The following ZNF407 variants were observed in gnomAD, a reference collection of about 807,000 sequenced individuals.
ZNF407 encodes zinc finger protein 407.
A neutral mutation model predicts 131.2 loss-of-function variants in ZNF407; 17 were observed. The observed-to-expected ratio is 0.13, with a 90% CI of 0.09 to 0.19. The LOEUF is 0.19. ZNF407 is among the 10% of genes least tolerant of loss of function. The pLI, the probability that ZNF407 is intolerant of heterozygous loss-of-function variation, is 1.00. For synonymous variants in ZNF407, 1,156 were observed against 1,062.0 expected, an observed-to-expected ratio of 1.09 and a Z score of -1.72; for missense variants, 2,681 against 2,830.6, an observed-to-expected ratio of 0.95 and a Z score of 1.20.
At chr18:74,734,107 G>GT (rs1476182979) in intron 3 of ZNF407, among the ~76,000 whole-genome samples, 1 of 152,112 alleles carries the variant, frequency 6.6e-6, no homozygotes, top group African/African-American at 2.4e-5. Context: ...TTGGCTCTGT[G>GT]TCAGTGTTGA....
rs542636992 is a variant in ZNF407 at position 74,915,006 on chromosome 18, C to A, written c.5250-5508C>A. Among the ~76,000 whole-genome samples, 11 of 152,086 alleles carry A rather than the reference C, an allele frequency of 7.2e-5. No individual in the cohort carries two copies. In the South Asian group the frequency reaches 2.1e-3, roughly 29 times the overall value. ...CTTCTTGTTAAAGTATACATGTAAC[C>A]CTTTGCATTTTTCTGAGAAATTGGA... On this transcript the variant is annotated intron_variant, in intron 7 of 8. Transcript: ENST00000299687.
intron 7 of ZNF407, among the ~76,000 whole-genome samples, chr18:74,909,898 T>A (rs1971646347): frequency 6.6e-6 from 1 of 152,202 alleles, no homozygotes; most frequent in Admixed American, 6.5e-5. Flanking sequence ...ATGGCAGAGT[T>A]TTTCCTTTCT....
intron 1 of ZNF407, among the ~76,000 whole-genome samples, chr18:74,628,930 G>A (rs183162059): frequency 2.6e-5 from 4 of 152,124 alleles, no homozygotes; most frequent in East Asian, 3.9e-4. Context: ...TGTGGATACC[G>A]CATTTTCTTG....
At chr18:74,695,280 T>C (rs1378959633) in intron 3 of ZNF407, among the ~76,000 whole-genome samples, 1 of 152,222 alleles carries the variant, frequency 6.6e-6, no homozygotes, top group East Asian at 1.9e-4. Context: ...ATAACATCTA[T>C]GCCTTTGGAC....
chr18:74,677,621 A>G (rs1986446573), intron 3 of ZNF407, among the ~76,000 whole-genome samples: 2 of 152,184 alleles, frequency 1.3e-5, no homozygotes, highest in Admixed American at 6.5e-5. Flanking sequence ...GCAGAGACCT[A>G]AAATACTTTA....
Position 74,634,018 on chromosome 18 carries a change from C to A in ZNF407, c.2999C>A (p.Ala1000Asp). Residue 1000 changes from alanine to aspartate, a missense_variant, in exon 2 of 9, where the codon GCC (alanine) becomes GAC (aspartate). By Grantham distance (126) the Ala-to-Asp change is moderately radical (BLOSUM62 -2). Coordinates refer to ENST00000299687, the MANE Select transcript of ZNF407 (RefSeq NM_017757.3). ...EQISSEPEDF[A>D]QPGDVYSQRD... ...ATATCTTCAGAGCCAGAGGACTTCG[C>A]CCAGCCGGGGGATGTGTACTCCCAG... is the stretch of plus-strand genomic sequence containing the variant. The A allele has an allele frequency of 6.2e-7, 1 of 1,614,012 alleles. No homozygotes were observed. The highest frequency in any genetic ancestry group is 8.5e-7 in the Non-Finnish European group (1 of 1,179,888).
chr18:75,043,847 T>A (rs1568310069), intron 8 of ZNF407, among the ~76,000 whole-genome samples: 4 of 152,192 alleles, frequency 2.6e-5, no homozygotes, highest in African/African-American at 2.4e-5. Context: ...TGAGGACATA[T>A]AATTGGCAGG....
chr18:75,043,678 G>A (rs1463757031), intron 8 of ZNF407, among the ~76,000 whole-genome samples: 1 of 152,198 alleles, frequency 6.6e-6, no homozygotes, highest in African/African-American at 2.4e-5. Flanking sequence ...TCTTAAAGCA[G>A]CAAAGTTTGG....
intron 4 of ZNF407, among the ~76,000 whole-genome samples, chr18:74,800,255 C>T (rs950964217): frequency 6.6e-6 from 1 of 152,038 alleles, no homozygotes; most frequent in African/African-American, 2.4e-5. Context: ...AATTCTTGGT[C>T]TTAATGCTTC....
intron 8 of ZNF407, among the ~76,000 whole-genome samples, chr18:74,996,913 CAGAT>C (rs1360530194): frequency 6.6e-6 from 1 of 152,208 alleles, no homozygotes; most frequent in African/African-American, 2.4e-5. Flanking sequence ...GTTTAAATAA[CAGAT>C]AGTTTAAGTG....
intron 8 of ZNF407, among the ~76,000 whole-genome samples, chr18:74,969,436 C>T (rs1972446480): frequency 6.6e-6 from 1 of 151,064 alleles, no homozygotes; most frequent in African/African-American, 2.5e-5. Flanking sequence ...GCATGTGGAC[C>T]ATAGCCTAAT....
At chr18:75,016,972 G>A (rs543519296) in intron 8 of ZNF407, among the ~76,000 whole-genome samples, 2 of 152,200 alleles carry the variant, frequency 1.3e-5, no homozygotes, top group South Asian at 4.1e-4. Flanking sequence ...AAAAGCAGGT[G>A]TCTAACACTT....
At chr18:74,739,690 C>T (rs1380402625) in intron 3 of ZNF407, among the ~76,000 whole-genome samples, 2 of 151,580 alleles carry the variant, frequency 1.3e-5, no homozygotes, top group Non-Finnish European at 2.9e-5. Flanking sequence ...TTATATGAAT[C>T]GTAATTATAA....
chr18:74,622,539 A>C (rs1314931641), intron 1 of ZNF407, among the ~76,000 whole-genome samples: 3 of 152,146 alleles, frequency 2.0e-5, no homozygotes, highest in Non-Finnish European at 4.4e-5. Context: ...ACAAAAGACC[A>C]CTAGATGTTT....
chr18:74,993,723 C>T (rs1165366827), intron 8 of ZNF407, among the ~76,000 whole-genome samples: 1 of 152,170 alleles, frequency 6.6e-6, no homozygotes. Flanking sequence ...ACAGTGTTCC[C>T]TAATCTAAGG....
At chr18:74,729,950 A>G (rs1968255856) in intron 3 of ZNF407, among the ~76,000 whole-genome samples, 1 of 152,244 alleles carries the variant, frequency 6.6e-6, no homozygotes, top group South Asian at 2.1e-4. Context: ...AGTATTGAAC[A>G]GCTTCTTAAA....
At chr18:74,876,944 G>C (rs1320093429) in intron 4 of ZNF407, among the ~76,000 whole-genome samples, 1 of 152,200 alleles carries the variant, frequency 6.6e-6, no homozygotes, top group East Asian at 1.9e-4. Flanking sequence ...TTTTGCCTCA[G>C]GGGTGACTGG....
At chr18:74,752,072 G>C (rs1276353913) in intron 3 of ZNF407, among the ~76,000 whole-genome samples, 1 of 152,206 alleles carries the variant, frequency 6.6e-6, no homozygotes. Context: ...ATTCTGACTG[G>C]TGTGAGATGG....
At chr18:74,989,760 TTG>T (rs1272212515) in intron 8 of ZNF407, among the ~76,000 whole-genome samples, 1 of 151,820 alleles carries the variant, frequency 6.6e-6, no homozygotes. Flanking sequence ...GGAGAATCGC[TTG>T]AACCCAGGAG....
Sources: gnomAD v4.1 joint callset for allele counts (sites outside exome capture counted in the v4.1 genomes callset) on GRCh38, gnomAD v4.1.1 for gene constraint, MANE v1.5 for transcripts, NCBI Gene and HGNC (gene_info 2026-07-23, HGNC 2026-07-21) for gene names.